Variants in SETD3 observed in about 807,000 individuals in gnomAD.
SETD3 encodes the protein SET domain containing 3, actin N3(tau)-histidine methyltransferase.
Under a neutral mutation model 63.0 loss-of-function variants are expected in SETD3, and 19 were observed. The ratio of observed to expected loss-of-function variants is 0.30; its 90% CI spans 0.21 to 0.44. The LOEUF (loss-of-function observed/expected upper bound fraction) is 0.44, where lower values mean the gene tolerates loss of function less well. Among genes scored for constraint, SETD3 ranks in the 20% least tolerant of loss-of-function variants. The pLI is 1.00. For missense variants in SETD3, 587 were observed against 728.5 expected (o/e 0.81, Z 2.24); for synonymous variants, 286 against 264.1 (o/e 1.08, Z -0.80).
chr14:99,406,417 T>G (rs1891683453), intron 9 of SETD3, 99 bp downstream of exon 9: 1 of 1,090,028 alleles, frequency 9.2e-7, no homozygotes, highest in African/African-American at 1.6e-5. Flanking sequence ...ATTCCACATT[T>G]TTTCCCCTAA....
chr14:99,469,464 C>G (rs1431823879), intron 1 of SETD3, among the ~76,000 whole-genome samples: 1 of 152,252 alleles, frequency 6.6e-6, no homozygotes, highest in East Asian at 1.9e-4. Flanking sequence ...ACTGCATAGG[C>G]TGGGCGTAGT....
Position 99,439,416 on chromosome 14 carries a change from T to G in SETD3, c.675+18863A>C, listed in dbSNP as rs563985934. ...CACTGCCTCAGTTTACCACTTTTGC[T>G]CGTCAACATTTCCTGTTTGTTTTCC... On this transcript the variant is annotated intron_variant, in intron 6 of 12. Transcript: ENST00000331768. 1.6e-4 allele frequency among the ~76,000 whole-genome samples: 24 copies of G among 152,298 alleles called. No individual in the cohort carries two copies. The East Asian group carries it at 4.4e-3, about 28-fold the overall frequency.
intron 1 of SETD3, among the ~76,000 whole-genome samples, chr14:99,473,054 A>G (rs896981773): frequency 3.9e-5 from 6 of 152,248 alleles, no homozygotes; most frequent in African/African-American, 1.4e-4. Context: ...AAAACACCAC[A>G]TACCACTTAC....
intron 6 of SETD3, among the ~76,000 whole-genome samples, chr14:99,423,628 G>GATGC (rs1258788901): frequency 1.6e-5 from 1 of 64,502 alleles, no homozygotes; most frequent in Non-Finnish European, 3.2e-5. Flanking sequence ...CAGGCACTAA[G>GATGC]ATGCCATCAG....
chr14:99,447,723 A>G (rs557242675), intron 6 of SETD3, among the ~76,000 whole-genome samples: 11 of 152,364 alleles, frequency 7.2e-5, no homozygotes, highest in Admixed American at 3.3e-4. Context: ...GTTTCATTAA[A>G]TAAGTTGAAC....
chr14:99,481,567 C>G, upstream of SETD3: 1 of 398,048 alleles, frequency 2.5e-6, no homozygotes, highest in Non-Finnish European at 4.4e-6. Context: ...CCGCTATCCA[C>G]TGGCGGAGTC....
intron 7 of SETD3, 118 bp downstream of exon 7, chr14:99,413,758 G>A (rs919139150): frequency 1.1e-6 from 1 of 888,760 alleles, no homozygotes; most frequent in Non-Finnish European, 1.8e-6. Flanking sequence ...AGCTCTGTTT[G>A]GATGCTTTAA....
At chr14:99,430,752 C>G (rs1893129584) in intron 6 of SETD3, among the ~76,000 whole-genome samples, 2 of 152,186 alleles carry the variant, frequency 1.3e-5, no homozygotes, top group African/African-American at 4.8e-5. Context: ...CAGGCGCCAC[C>G]TTCTCCTCTC....
intron 1 of SETD3, among the ~76,000 whole-genome samples, chr14:99,477,042 T>A (rs1321797266): frequency 6.6e-6 from 1 of 152,202 alleles, no homozygotes; most frequent in African/African-American, 2.4e-5. Flanking sequence ...AGGTTAGGCT[T>A]GCAAAAGGCT....
intron 11 of SETD3, among the ~76,000 whole-genome samples, chr14:99,402,955 T>C (rs190534558): frequency 1.3e-3 from 192 of 152,330 alleles, no homozygotes; most frequent in African/African-American, 4.4e-3. Flanking sequence ...TCTGTATCCA[T>C]ATATATGCAA....
intron 6 of SETD3, among the ~76,000 whole-genome samples, chr14:99,428,664 C>CA (rs1373289954): frequency 6.6e-6 from 1 of 152,004 alleles, no homozygotes; most frequent in Admixed American, 6.6e-5. Context: ...GAAAGAAAAA[C>CA]AAAACAAGTG....
intron 11 of SETD3, 89 bp from the exon 12 acceptor site, chr14:99,400,348 C>A: frequency 7.3e-7 from 1 of 1,368,646 alleles, no homozygotes; most frequent in Non-Finnish European, 1.0e-6. Context: ...ATATTGTTTC[C>A]AACAACGCCA....
chr14:99,449,792 A>G (rs115171013), intron 6 of SETD3, among the ~76,000 whole-genome samples: 1,924 of 152,364 alleles, frequency 0.013, 40 homozygotes, highest in African/African-American at 0.044. Flanking sequence ...AGGCTGTATA[A>G]GATGTTAACT....
At chr14:99,436,157 C>T (rs1014541892) in intron 6 of SETD3, among the ~76,000 whole-genome samples, 18 of 152,082 alleles carry the variant, frequency 1.2e-4, no homozygotes, top group African/African-American at 4.1e-4. Flanking sequence ...TCACCTGCCT[C>T]CGCTTGATCT....
At chr14:99,447,416 A>T (rs1257711092) in intron 6 of SETD3, among the ~76,000 whole-genome samples, 1 of 152,278 alleles carries the variant, frequency 6.6e-6, no homozygotes, top group Admixed American at 6.5e-5. Context: ...AAAAGCACAG[A>T]TCTTTTAAAT....
chr14:99,432,018 G>C (rs576679309), intron 6 of SETD3, among the ~76,000 whole-genome samples: 1 of 152,238 alleles, frequency 6.6e-6, no homozygotes. Flanking sequence ...TTGAATGACA[G>C]CTGTCATTCA....
At chr14:99,427,568 G>A (rs1274650789) in intron 6 of SETD3, among the ~76,000 whole-genome samples, 1 of 152,132 alleles carries the variant, frequency 6.6e-6, no homozygotes, top group African/African-American at 2.4e-5. Flanking sequence ...GGAGGCCAAG[G>A]CATAAAGTGG....
At chr14:99,476,695 G>A (rs1895989729) in intron 1 of SETD3, among the ~76,000 whole-genome samples, 1 of 152,212 alleles carries the variant, frequency 6.6e-6, no homozygotes, top group Non-Finnish European at 1.5e-5. Flanking sequence ...GAAAACTGCT[G>A]ATATTGAAAA....
intron 9 of SETD3, among the ~76,000 whole-genome samples, chr14:99,405,848 C>G (rs556775571): frequency 5.3e-5 from 8 of 152,208 alleles, no homozygotes; most frequent in Non-Finnish European, 1.2e-4. Context: ...ATTAATCCTG[C>G]ACCTGGCAGG....
Sources: gnomAD v4.1 joint callset for allele counts (sites outside exome capture counted in the v4.1 genomes callset) on GRCh38, gnomAD v4.1.1 for gene constraint, MANE v1.5 for transcripts, NCBI Gene and HGNC (gene_info 2026-07-23, HGNC 2026-07-21) for gene names.